The following TTLL3 variants were observed in gnomAD, a reference collection of about 807,000 sequenced individuals.
TTLL3 encodes tubulin monoglycylase TTLL3.
TTLL3 carries 63 observed loss-of-function variants against 75.2 expected under a neutral mutation model. The observed-to-expected ratio is 0.84, with a 90% CI of 0.68 to 1.03. The LOEUF (loss-of-function observed/expected upper bound fraction) is 1.03. TTLL3 is among the 50% of genes least tolerant of loss of function. TTLL3 has a pLI of 0.00. For missense variants in TTLL3, 997 were observed against 1,069.9 expected (o/e 0.93, Z 0.95); for synonymous variants, 393 against 418.5 (o/e 0.94, Z 0.74).
intron 4 of TTLL3, among the ~76,000 whole-genome samples, chr3:9,815,387 C>A (rs780516939): frequency 6.6e-6 from 1 of 152,216 alleles, no homozygotes; most frequent in Non-Finnish European, 1.5e-5. Context: ...AACCTTAGCC[C>A]CTACCACATA....
At chr3:9,823,110 A>G (rs1326720543) in intron 8 of TTLL3, among the ~76,000 whole-genome samples, 1 of 142,944 alleles carries the variant, frequency 7.0e-6, no homozygotes, top group South Asian at 2.3e-4. Flanking sequence ...AGGGCCGGGC[A>G]CGGTGGCTCA....
chr3:9,826,301 T>C (rs2081035250), intron 9 of TTLL3, among the ~76,000 whole-genome samples: 1 of 152,244 alleles, frequency 6.6e-6, no homozygotes, highest in South Asian at 2.1e-4. Flanking sequence ...CATAAGGTCC[T>C]GGAAGCAGCA....
chr3:9,811,047 T>G (rs2079305754), intron 2 of TTLL3, among the ~76,000 whole-genome samples: 1 of 152,146 alleles, frequency 6.6e-6, no homozygotes, highest in Non-Finnish European at 1.5e-5. Flanking sequence ...CTCTTGGCTG[T>G]CTGACTGCAC....
intron 11 of TTLL3, among the ~76,000 whole-genome samples, chr3:9,831,848 G>A (rs565428363): frequency 1.3e-5 from 2 of 148,560 alleles, no homozygotes; most frequent in South Asian, 4.2e-4. Context: ...ACCCAGGCTG[G>A]AGTGCAGTGG....
intron 9 of TTLL3, among the ~76,000 whole-genome samples, chr3:9,826,239 A>T (rs530926804): frequency 6.6e-6 from 1 of 152,202 alleles, no homozygotes; most frequent in East Asian, 1.9e-4. Flanking sequence ...AATTTATGCA[A>T]TCCTGGGAAA....
At chr3:9,831,358 T>G (rs1297819413) in intron 11 of TTLL3, among the ~76,000 whole-genome samples, 1 of 152,230 alleles carries the variant, frequency 6.6e-6, no homozygotes, top group African/African-American at 2.4e-5. Context: ...TCTCAGGAAC[T>G]AGAAGTTAGG....
intron 8 of TTLL3, among the ~76,000 whole-genome samples, chr3:9,824,440 T>A (rs2080815544): frequency 6.6e-6 from 1 of 152,230 alleles, no homozygotes; most frequent in South Asian, 2.1e-4. Flanking sequence ...AGATGGAGCC[T>A]CGCTCCGTTG....
At chr3:9,813,956 C>T (rs2079578366) in intron 4 of TTLL3, among the ~76,000 whole-genome samples, 1 of 152,050 alleles carries the variant, frequency 6.6e-6, no homozygotes, top group Non-Finnish European at 1.5e-5. Context: ...CATAGTTCCC[C>T]TTCCCCGCTG....
chr3:9,813,390 G>T (rs1400998628), intron 4 of TTLL3, 45 bp downstream of exon 4: 5 of 1,607,790 alleles, frequency 3.1e-6, no homozygotes, highest in Non-Finnish European at 4.2e-6. Flanking sequence ...TGCCTGCTTA[G>T]AGGGAGGGCA....
chr3:9,822,554 C>T (rs1297661535), intron 8 of TTLL3, among the ~76,000 whole-genome samples: 2 of 151,288 alleles, frequency 1.3e-5, no homozygotes, highest in Admixed American at 6.6e-5. Flanking sequence ...GACAGGGTCT[C>T]ACTTTGTTAC....
rs2080995156 is a variant in TTLL3 at position 9,825,928 on chromosome 3, G to A, written c.983G>A (p.Gly328Glu). The change falls in exon 9 of 14, where the codon GGA becomes GAA. Residue 328 changes from glycine to glutamate, a missense_variant. Physicochemically the swap from Gly to Glu is moderately conservative, Grantham distance 98. Transcript: ENST00000685419. The stretch of plus-strand genomic sequence containing the variant: ...CGCAACATCTGGATCGTGAAGCCAG[G>A]AGCCAAGTCCCGCGGACGAGGTGGG... ...GDRNIWIVKP[G>E]AKSRGRGIMC... The A allele has an allele frequency of 3.1e-6, 5 of 1,613,860 alleles. No individual in the cohort carries two copies. Among genetic ancestry groups the A allele is most frequent in the South Asian group, 1.1e-5 (1 of 91,078 alleles).
chr3:9,817,605 G>T (rs1432291817), intron 5 of TTLL3, 40 bp from the exon 6 acceptor site: 2 of 1,613,174 alleles, frequency 1.2e-6, no homozygotes, highest in East Asian at 4.5e-5. Context: ...TGGTGAGTGT[G>T]GGCAGTCCTG....
At chr3:9,828,278 TA>T (rs35034645) in intron 10 of TTLL3, 96,552 of 152,016 alleles carry the variant, frequency 0.64, 31,714 homozygotes, top group Non-Finnish European at 0.7. Context: ...AAAGCCTTGT[TA>T]AAGCCTGAAT....
rs375034198 is a variant in TTLL3 at position 9,835,090 on chromosome 3, C to A, written c.2053-4C>A. ...TCCCTCTTCTCCCCTCCTTTCACACCGAGGCTCCTGCTCTCCTGTGCCTCC... is the reference window on the plus strand; with the variant it reads ...TCCCTCTTCTCCCCTCCTTTCACACAGAGGCTCCTGCTCTCCTGTGCCTCC... On this transcript the variant is annotated splice_polypyrimidine_tract_variant and splice_region_variant and intron_variant, in intron 13 of 13. Coordinates refer to ENST00000685419, the MANE Select transcript of TTLL3 (RefSeq NM_001387446.1). The A allele has an allele frequency of 2.5e-6, 4 of 1,601,900 alleles. No individual in the cohort carries two copies. Among genetic ancestry groups the A allele is most frequent in the East Asian group, 4.5e-5 (2 of 44,728 alleles).
intron 4 of TTLL3, 155 bp downstream of exon 4, chr3:9,813,500 C>A: frequency 1.1e-6 from 1 of 901,596 alleles, no homozygotes; most frequent in Non-Finnish European, 1.7e-6. Context: ...CTGGATAGAG[C>A]TGGACATGGT....
rs1046391788 is a variant in TTLL3, at chr3:9,835,728, A to C, written c.*239A>C. On this transcript the variant is annotated 3_prime_UTR_variant, in exon 14 of 14. Transcript: ENST00000685419. Reference sequence around the variant, plus strand: ...ACTGCCGAGCACTGGGAGCCCCCCAACCCCAGAGAACAAGCCAAGCTAGCA... The same window carrying C: ...ACTGCCGAGCACTGGGAGCCCCCCACCCCCAGAGAACAAGCCAAGCTAGCA... 2.7e-5 allele frequency: 13 copies of C among 486,762 alleles called. No individual in the cohort carries two copies. The highest frequency in any genetic ancestry group is 2.6e-4 in the African/African-American group (13 of 50,884). The allele number at this position is 486,762 out of a possible 1,614,324, so 30.2% of individuals were successfully genotyped here.
intron 7 of TTLL3, chr3:9,820,337 G>T: frequency 7.0e-7 from 1 of 1,424,296 alleles, no homozygotes; most frequent in Non-Finnish European, 9.2e-7. Context: ...ACAGGTCCTG[G>T]GACAGTGGGA....
intron 2 of TTLL3, among the ~76,000 whole-genome samples, chr3:9,812,268 C>T (rs2079424678): frequency 6.6e-6 from 1 of 152,052 alleles, no homozygotes; most frequent in African/African-American, 2.4e-5. Flanking sequence ...GTAATTTCAG[C>T]ACTTTGGGAG....
At chr3:9,814,744 G>A (rs55652361) in intron 4 of TTLL3, among the ~76,000 whole-genome samples, 1 of 151,022 alleles carries the variant, frequency 6.6e-6, no homozygotes, top group Non-Finnish European at 1.5e-5. Context: ...TTGCTTGAAC[G>A]TGGGAGGTGG....
Sources: allele counts gnomAD v4.1 joint callset (sites outside exome capture counted in the v4.1 genomes callset), GRCh38; gene constraint gnomAD v4.1.1; transcripts MANE v1.5; gene names NCBI Gene and HGNC (gene_info 2026-07-23, HGNC 2026-07-21).